The following PPFIA2 variants were observed in gnomAD, a reference collection of about 807,000 sequenced individuals.
PPFIA2 encodes liprin-alpha-2.
A neutral mutation model predicts 175.5 loss-of-function variants in PPFIA2; 46 were observed. The ratio of observed to expected loss-of-function variants is 0.26; its 90% CI spans 0.21 to 0.34. The LOEUF (loss-of-function observed/expected upper bound fraction) is 0.34, where lower values mean the gene tolerates loss of function less well. Ranked by LOEUF, PPFIA2 falls within the 10% of genes least tolerant of loss-of-function variation. PPFIA2 has a pLI of 1.00. For missense variants in PPFIA2, 1,179 were observed against 1,506.1 expected (o/e 0.78, Z 3.60); for synonymous variants, 568 against 511.4 (o/e 1.11, Z -1.49).
intron 4 of PPFIA2, among the ~76,000 whole-genome samples, chr12:81,476,704 A>G (rs183857935): frequency 1.9e-3 from 286 of 152,332 alleles, no homozygotes; most frequent in African/African-American, 6.4e-3. Context: ...CAATCCAATT[A>G]CTGGGTATAT....
intron 3 of PPFIA2, among the ~76,000 whole-genome samples, chr12:81,721,067 C>T (rs1363270591): frequency 1.4e-5 from 2 of 147,778 alleles, no homozygotes; most frequent in East Asian, 2.0e-4. Context: ...TGAATGATAG[C>T]GTCCTAGCTA....
intron 14 of PPFIA2, 49 bp downstream of exon 14, chr12:81,367,059 T>G (rs1306032432): frequency 7.0e-7 from 1 of 1,420,320 alleles, no homozygotes; most frequent in African/African-American, 1.5e-5. Flanking sequence ...ATCAGTGGAA[T>G]AGAAAATAAA....
At chr12:81,466,784 G>A (rs2055721701) in intron 4 of PPFIA2, among the ~76,000 whole-genome samples, 1 of 151,398 alleles carries the variant, frequency 6.6e-6, no homozygotes. Flanking sequence ...CACAATGGCT[G>A]TTCTGCTGCA....
Position 81,270,306 on chromosome 12 carries a change from T to C in PPFIA2, c.3311-2219A>G, listed in dbSNP as rs567514010. Among the ~76,000 whole-genome samples the C allele has an allele frequency of 1.1e-3, 174 of 152,328 alleles. 1 individual carries two copies. The Middle Eastern group carries it at 0.014, about 12-fold the overall frequency. On this transcript the variant is annotated intron_variant, in intron 28 of 32. Coordinates refer to ENST00000549396, the MANE Select transcript of PPFIA2 (RefSeq NM_003625.5). ...TCTCATTTTTGTTCTTGTTTTGTCTTGCTTTTTTTAGTCATTATGGTAGGT... is the reference window on the plus strand; with the variant it reads ...TCTCATTTTTGTTCTTGTTTTGTCTCGCTTTTTTTAGTCATTATGGTAGGT...
At chr12:81,394,403 C>T (rs2142373261) in intron 8 of PPFIA2, among the ~76,000 whole-genome samples, 1 of 151,830 alleles carries the variant, frequency 6.6e-6, no homozygotes, top group East Asian at 1.9e-4. Flanking sequence ...TAATCAAGTA[C>T]AACAGAGTTT....
At chr12:81,402,344 T>TAA (rs147467367) in intron 8 of PPFIA2, among the ~76,000 whole-genome samples, 1 of 148,564 alleles carries the variant, frequency 6.7e-6, no homozygotes, top group African/African-American at 2.5e-5. Flanking sequence ...AAGTTCTCAA[T>TAA]AAAAAAAAAA....
intron 32 of PPFIA2, chr12:81,259,871 A>T: frequency 2.5e-6 from 1 of 399,004 alleles, no homozygotes; most frequent in Non-Finnish European, 4.5e-6. Context: ...CAAATAATAG[A>T]ATTTGCTCAA....
At chr12:81,620,881 A>C (rs1287670313) in intron 4 of PPFIA2, among the ~76,000 whole-genome samples, 2 of 152,246 alleles carry the variant, frequency 1.3e-5, no homozygotes, top group African/African-American at 4.8e-5. Flanking sequence ...TACACTGTTT[A>C]GACATTAAAG....
In PPFIA2 at chr12:81,758,438, A is replaced by G. The variant is rs984232929; in HGVS notation, c.-41T>C. 1.3e-5 allele frequency: 6 copies of G among 456,444 alleles called. No individual in the cohort carries two copies. In the Admixed American group the frequency reaches 1.4e-4, roughly 11 times the overall value. The allele number at this position is 456,444 out of a possible 1,614,324, so 28.3% of individuals were successfully genotyped here. ...TTTCGGGTCCTTGCTTCTTCAATTG[A>G]TCAATGACAACCGCAGTCTCCGGCT... On this transcript the variant is annotated 5_prime_UTR_variant, in exon 2 of 33. Coordinates refer to ENST00000549396, the MANE Select transcript of PPFIA2 (RefSeq NM_003625.5).
At chr12:81,504,305 A>T (rs983248642) in intron 4 of PPFIA2, among the ~76,000 whole-genome samples, 4 of 152,132 alleles carry the variant, frequency 2.6e-5, no homozygotes, top group African/African-American at 9.7e-5. Flanking sequence ...TACGAGAAAA[A>T]TCAAACAACC....
intron 4 of PPFIA2, among the ~76,000 whole-genome samples, chr12:81,673,646 T>G: frequency 6.6e-6 from 1 of 152,186 alleles, no homozygotes; most frequent in South Asian, 2.1e-4. Flanking sequence ...ATAGAATATC[T>G]TTTGATATAA....
chr12:81,357,765 A>C (rs937323573), intron 16 of PPFIA2, among the ~76,000 whole-genome samples: 1 of 151,822 alleles, frequency 6.6e-6, no homozygotes, highest in African/African-American at 2.4e-5. Flanking sequence ...CCAAGTTTTG[A>C]CTCCATTACT....
chr12:81,726,179 A>G (rs750724051), intron 3 of PPFIA2, among the ~76,000 whole-genome samples: 10 of 151,260 alleles, frequency 6.6e-5, no homozygotes, highest in Non-Finnish European at 1.5e-4. Flanking sequence ...GTATTTTTCT[A>G]CTAAAGCCAT....
chr12:81,521,583 C>T (rs530603401), intron 4 of PPFIA2, among the ~76,000 whole-genome samples: 102 of 149,808 alleles, frequency 6.8e-4, no homozygotes, highest in Middle Eastern at 3.5e-3. Context: ...TTTGGGACGC[C>T]GAGGCGGGCA....
intron 4 of PPFIA2, among the ~76,000 whole-genome samples, chr12:81,510,335 T>C (rs1387081889): frequency 6.6e-6 from 1 of 152,084 alleles, no homozygotes; most frequent in East Asian, 1.9e-4. Context: ...ACCAAACTTG[T>C]CTTCATACTA....
chr12:81,534,343 G>A lies in PPFIA2; in HGVS notation c.304-76477C>T, dbSNP rs531152471. On this transcript the variant is annotated intron_variant, in intron 4 of 32. Coordinates refer to ENST00000549396, the MANE Select transcript of PPFIA2 (RefSeq NM_003625.5). Reference sequence around the variant, plus strand: ...ACAACTAGAAGAGAGGACTTAAAACGTTCCCACCACATAAAATTGAGAAAT... The same window carrying A: ...ACAACTAGAAGAGAGGACTTAAAACATTCCCACCACATAAAATTGAGAAAT... 1.4e-4 allele frequency among the ~76,000 whole-genome samples: 21 copies of A among 151,608 alleles called. No individual in the cohort carries two copies. The South Asian group carries it at 2.9e-3, about 21-fold the overall frequency.
At chr12:81,547,381 T>A (rs558756007) in intron 4 of PPFIA2, among the ~76,000 whole-genome samples, 1 of 152,242 alleles carries the variant, frequency 6.6e-6, no homozygotes, top group African/African-American at 2.4e-5. Context: ...CTTTCCTTTT[T>A]TTTTTCTTTT....
At chr12:81,301,172 AAGC>A (rs2047741507) in intron 22 of PPFIA2, among the ~76,000 whole-genome samples, 1 of 151,956 alleles carries the variant, frequency 6.6e-6, no homozygotes, top group South Asian at 2.1e-4. Context: ...CAAGCAGGAG[AAGC>A]ACTAATGGGG....
At chr12:81,617,150 G>T (rs1413230646) in intron 4 of PPFIA2, among the ~76,000 whole-genome samples, 5 of 152,216 alleles carry the variant, frequency 3.3e-5, no homozygotes, top group Admixed American at 1.3e-4. Context: ...TGTATGTAAA[G>T]CACTTTATGT....
Sources: allele counts gnomAD v4.1 joint callset (sites outside exome capture counted in the v4.1 genomes callset), GRCh38; gene constraint gnomAD v4.1.1; transcripts MANE v1.5; gene names NCBI Gene and HGNC (gene_info 2026-07-23, HGNC 2026-07-21).